Variants in MALRD1 observed in about 807,000 individuals in gnomAD.
The protein encoded by MALRD1 is MAM and LDL-receptor class A domain-containing protein 1.
In MALRD1, 247 loss-of-function variants were observed where a neutral mutation model predicts 242.1. The ratio of observed to expected loss-of-function variants is 1.02; its 90% CI spans 0.92 to 1.13. MALRD1 has a LOEUF of 1.13. Among genes scored for constraint, MALRD1 ranks in the 50% most tolerant of loss-of-function variants. The pLI is 0.00. For synonymous variants in MALRD1, 995 were observed against 866.6 expected (o/e 1.15, Z -2.60); for missense variants, 2,989 against 2,533.1 (o/e 1.18, Z -3.86).
chr10:19,661,499 G>A (rs186335575), intron 36 of MALRD1, among the ~76,000 whole-genome samples: 436 of 152,252 alleles, frequency 2.9e-3, no homozygotes, highest in African/African-American at 0.01. Flanking sequence ...CATGGATGAA[G>A]CTGGAAACCA....
At chr10:19,078,087 C>T (rs915171515) in intron 2 of MALRD1, among the ~76,000 whole-genome samples, 19 of 151,712 alleles carry the variant, frequency 1.3e-4, no homozygotes, top group African/African-American at 3.9e-4. Context: ...CGTTAATAAA[C>T]GTCAGCTATT....
chr10:19,071,481 T>C (rs1193977755), intron 2 of MALRD1, among the ~76,000 whole-genome samples: 1 of 152,110 alleles, frequency 6.6e-6, no homozygotes, highest in Non-Finnish European at 1.5e-5. Context: ...CTGACAGAAT[T>C]GAATTTGCTG....
intron 18 of MALRD1, among the ~76,000 whole-genome samples, chr10:19,227,510 A>G: frequency 6.6e-6 from 1 of 152,252 alleles, no homozygotes; most frequent in East Asian, 1.9e-4. Context: ...TATAAAAAGT[A>G]TAAAGCTTAC....
intron 36 of MALRD1, among the ~76,000 whole-genome samples, chr10:19,636,952 A>G (rs1030988589): frequency 1.3e-5 from 2 of 151,830 alleles, no homozygotes; most frequent in South Asian, 4.1e-4. Flanking sequence ...ACATTACTAT[A>G]TTATTTTGTC....
chr10:19,080,978 G>C (rs1293377775), intron 2 of MALRD1, among the ~76,000 whole-genome samples: 1 of 151,898 alleles, frequency 6.6e-6, no homozygotes, highest in East Asian at 1.9e-4. Flanking sequence ...ACTTCTCAAA[G>C]AAAACATTCG....
At chr10:19,583,619 G>C (rs528376728) in intron 33 of MALRD1, among the ~76,000 whole-genome samples, 1 of 151,978 alleles carries the variant, frequency 6.6e-6, no homozygotes, top group African/African-American at 2.4e-5. Context: ...TGCTGGATTC[G>C]GTTTGCCAGT....
intron 2 of MALRD1, among the ~76,000 whole-genome samples, chr10:19,072,599 C>A (rs1012333925): frequency 6.6e-6 from 1 of 151,862 alleles, no homozygotes; most frequent in South Asian, 2.1e-4. Context: ...TGACACTATT[C>A]AATATTGGAC....
chr10:19,384,251 A>G (rs1345969203), intron 26 of MALRD1, among the ~76,000 whole-genome samples: 3 of 141,916 alleles, frequency 2.1e-5, no homozygotes, highest in Non-Finnish European at 4.5e-5. Context: ...GTTTATATAT[A>G]TATGTTAAAA....
intron 11 of MALRD1, among the ~76,000 whole-genome samples, chr10:19,149,290 T>C (rs1401732020): frequency 6.6e-6 from 1 of 152,078 alleles, no homozygotes; most frequent in Non-Finnish European, 1.5e-5. Context: ...TGGTTTTTTG[T>C]TTTTGTATTT....
At chr10:19,571,198 G>T (rs1459097473) in intron 33 of MALRD1, among the ~76,000 whole-genome samples, 1 of 152,126 alleles carries the variant, frequency 6.6e-6, no homozygotes, top group Non-Finnish European at 1.5e-5. Context: ...CATTATGAGT[G>T]AGCTGTTCTG....
chr10:19,076,992 A>G (rs1354807938), intron 2 of MALRD1, among the ~76,000 whole-genome samples: 1 of 151,758 alleles, frequency 6.6e-6, no homozygotes, highest in African/African-American at 2.4e-5. Context: ...TTAAATTTTT[A>G]TTGTACAAAT....
At chr10:19,700,891 G>A (rs1331147409) in intron 38 of MALRD1, among the ~76,000 whole-genome samples, 2 of 152,152 alleles carry the variant, frequency 1.3e-5, no homozygotes, top group African/African-American at 2.4e-5. Context: ...GGGTGCAGTG[G>A]CTCATACCTG....
chr10:19,734,180 C>A lies in MALRD1; in HGVS notation c.6414C>A (p.Asn2138Lys). 1 of 1,535,538 alleles carries A rather than the reference C, an allele frequency of 6.5e-7. No individual in the cohort carries two copies. Among genetic ancestry groups the A allele is most frequent in the African/African-American group, 1.4e-5 (1 of 73,122 alleles). Residue 2138 changes from asparagine (N) to lysine (K), a missense_variant, in exon 40 of 40, where the codon AAC becomes AAA. By Grantham distance (94) the Asn-to-Lys change is moderately conservative. Coordinates refer to ENST00000454679, the MANE Select transcript of MALRD1 (RefSeq NM_001142308.3). ...AGAGTTCTGTCTATTCCTTCTCAAA[C>A]CCATTATATGGCACAACATCAGGAA... ...KTESSVYSFS[N>K]PLYGTTSGSL...
intron 32 of MALRD1, among the ~76,000 whole-genome samples, chr10:19,542,830 G>A (rs1835032750): frequency 6.6e-6 from 1 of 152,114 alleles, no homozygotes; most frequent in African/African-American, 2.4e-5. Context: ...TTATAAAAGT[G>A]TCTATTTGTC....
At chr10:19,634,632 A>G (rs966734643) in intron 36 of MALRD1, among the ~76,000 whole-genome samples, 4 of 152,138 alleles carry the variant, frequency 2.6e-5, no homozygotes, top group African/African-American at 9.7e-5. Context: ...GTAAGAAAGG[A>G]AAAAATACAC....
At chr10:19,565,318 A>G (rs2131454433) in intron 32 of MALRD1, among the ~76,000 whole-genome samples, 1 of 152,310 alleles carries the variant, frequency 6.6e-6, no homozygotes, top group South Asian at 2.1e-4. Flanking sequence ...ATGCAGAGAG[A>G]AAAATAAACT....
intron 7 of MALRD1, among the ~76,000 whole-genome samples, chr10:19,126,465 T>C (rs1837286057): frequency 6.6e-6 from 1 of 152,148 alleles, no homozygotes; most frequent in South Asian, 2.1e-4. Flanking sequence ...TTTGACACTA[T>C]GGCCAGTCTA....
intron 28 of MALRD1, among the ~76,000 whole-genome samples, chr10:19,440,499 C>T (rs971565874): frequency 1.4e-4 from 21 of 152,212 alleles, no homozygotes; most frequent in African/African-American, 4.8e-4. Flanking sequence ...CCCCCCGCAA[C>T]AACCCCACAA....
At chr10:19,712,351 T>G (rs61841481) in intron 38 of MALRD1, among the ~76,000 whole-genome samples, 2,370 of 152,310 alleles carry the variant, frequency 0.016, 28 homozygotes, top group Non-Finnish European at 0.025. Flanking sequence ...GAAAATGCAG[T>G]TTTATTGCTT....
Sources: gnomAD v4.1 joint callset for allele counts (sites outside exome capture counted in the v4.1 genomes callset) on GRCh38, gnomAD v4.1.1 for gene constraint, MANE v1.5 for transcripts, NCBI Gene and HGNC (gene_info 2026-07-23, HGNC 2026-07-21) for gene names.